The following DIS3 variants were observed in gnomAD, a reference collection of about 807,000 sequenced individuals.
DIS3 encodes the protein DIS3 exosome endoribonuclease and 3'-5' exoribonuclease, also known as exosome complex exonuclease RRP44.
A neutral mutation model predicts 113.0 loss-of-function variants in DIS3; 103 were observed. That is an observed-to-expected ratio of 0.91 (90% CI 0.78 to 1.07). The LOEUF (loss-of-function observed/expected upper bound fraction) is 1.07, where lower values mean the gene tolerates loss of function less well. Ranked by LOEUF, DIS3 falls within the 50% of genes least tolerant of loss-of-function variation. The pLI is 0.00. For synonymous variants in DIS3, 402 were observed against 394.3 expected (o/e 1.02, Z -0.23); for missense variants, 1,121 against 1,167.1 (o/e 0.96, Z 0.58).
In DIS3 at chr13:72,773,711, A is replaced by G. The variant is rs774447615; in HGVS notation, c.1212T>C (p.Gly404=). The G allele has an allele frequency of 1.9e-6, 3 of 1,611,838 alleles. No individual in the cohort carries two copies. Among genetic ancestry groups the G allele is most frequent in the Non-Finnish European group, 1.7e-6 (2 of 1,179,494 alleles). Residue 404 remains glycine (G), a synonymous_variant, in exon 8 of 21, where the codon GGT becomes GGC. Coordinates refer to ENST00000377767, the MANE Select transcript of DIS3 (RefSeq NM_014953.5). The part of the protein sequence containing the change: ...EGRRIIVAID[G]WPRNSRYPNG... ...TTGGATATCTGGAATTTCTGGGCCA[A>G]CCATCAATAGCAACAATAATTCTCC...
At position 72,775,392 on chromosome 13, in the gene DIS3, A is replaced by ATAATTGTT. The variant is rs1462542578; in HGVS notation, c.823-18_823-17insAACAATTA. 5.1e-6 allele frequency: 8 copies of ATAATTGTT among 1,574,124 alleles called. No individual in the cohort carries two copies. Among genetic ancestry groups the ATAATTGTT allele is most frequent in the Non-Finnish European group, 6.9e-6 (8 of 1,163,048 alleles). On this transcript the variant is annotated splice_polypyrimidine_tract_variant and intron_variant, in intron 5 of 20. Transcript: ENST00000377767. Reference sequence around the variant, plus strand: ...TAAGATTATCTGTTTAAAACAACAGAGGGCACGTGCCCAAATTATTTTTAA... The same window carrying ATAATTGTT: ...TAAGATTATCTGTTTAAAACAACAGATAATTGTTGGGCACGTGCCCAAATTATTTTTAA...
rs2033323846 is a variant in DIS3 at position 72,753,123 on chromosome 13, C to CTTA, written c.*6671_*6672insTAA. 6.6e-6 allele frequency: 1 copy of CTTA among 152,224 alleles called. No homozygotes were observed. 9.4% of individuals were successfully genotyped at this position (152,224 alleles called of 1,614,324 possible). A position where few individuals can be genotyped will look rare whatever the true frequency, so the allele number is the denominator to read the frequency against. ...ATAGTGCCTGGCCTTTTTAGACACT[C>CTTA]AATAAATGTTTCCAAGCTGGAAGTT... On this transcript the variant is annotated 3_prime_UTR_variant, in exon 21 of 21. Transcript: ENST00000377767.
rs534140416 is a variant in DIS3 at position 72,778,097 on chromosome 13, A to C, written c.580+90T>G. Reference sequence around the variant, plus strand: ...TTATATAGGACTACGAAAATACTAAATAGTAAAGTGAACATCTGACTATAG... The same window carrying C: ...TTATATAGGACTACGAAAATACTAACTAGTAAAGTGAACATCTGACTATAG... On this transcript the variant is annotated intron_variant, in intron 3 of 20. Coordinates refer to ENST00000377767, the MANE Select transcript of DIS3 (RefSeq NM_014953.5). The C allele has an allele frequency of 8.7e-5, 100 of 1,149,228 alleles. No individual in the cohort carries two copies. The East Asian group carries it at 2.5e-3, about 28-fold the overall frequency. 71.2% of individuals were successfully genotyped at this position (1,149,228 alleles called of 1,614,324 possible).
Position 72,758,757 on chromosome 13 carries a change from C to T in DIS3, c.*1038G>A. On this transcript the variant is annotated 3_prime_UTR_variant, in exon 21 of 21. Transcript: ENST00000377767. Reference sequence around the variant, plus strand: ...GCTGATTTACTTGGCAGGCTTTTCTCACTATACTGCAAGCTCCTTGAAGGC... The same window carrying T: ...GCTGATTTACTTGGCAGGCTTTTCTTACTATACTGCAAGCTCCTTGAAGGC... 4.9e-6 allele frequency: 1 copy of T among 204,958 alleles called. No individual in the cohort carries two copies. Among genetic ancestry groups the T allele is most frequent in the Non-Finnish European group, 1.0e-5 (1 of 100,058 alleles). The allele number at this position is 204,958 out of a possible 1,614,324, so 12.7% of individuals were successfully genotyped here.
intron 20 of DIS3, 133 bp downstream of exon 20, chr13:72,760,396 T>C: frequency 9.5e-7 from 1 of 1,055,008 alleles, no homozygotes; most frequent in Non-Finnish European, 1.4e-6. Flanking sequence ...CAGGATTTGC[T>C]ATGCAAATAT....
At chr13:72,772,425 G>T in intron 9 of DIS3, 150 bp from the exon 10 acceptor site, 1 of 704,754 alleles carries the variant, frequency 1.4e-6, no homozygotes, top group Non-Finnish European at 2.3e-6. Context: ...CTGCACTGGA[G>T]CAGAGAGACA....
At chr13:72,771,755 G>T (rs1359342233) in intron 11 of DIS3, 40 bp downstream of exon 11, 1 of 1,570,134 alleles carries the variant, frequency 6.4e-7, no homozygotes, top group African/African-American at 1.4e-5. Flanking sequence ...GAATCCTTAA[G>T]TGTCCATGAC....
chr13:72,775,144 T>C (rs1490976840), intron 6 of DIS3, 67 bp downstream of exon 6: 1 of 1,449,758 alleles, frequency 6.9e-7, no homozygotes, highest in Non-Finnish European at 9.2e-7. Flanking sequence ...GAAACTTGTT[T>C]TCCAAAGCTG....
intron 20 of DIS3, 51 bp downstream of exon 20, chr13:72,760,478 A>G (rs756618632): frequency 9.3e-6 from 15 of 1,610,014 alleles, no homozygotes; most frequent in African/African-American, 8.0e-5. Flanking sequence ...CTTTGACAAA[A>G]TATGTACTGT....
Position 72,766,030 on chromosome 13 carries a change from G to A in DIS3, c.1912C>T (p.Arg638Ter), listed in dbSNP as rs770832001. 4 of 1,611,264 alleles carry A rather than the reference G, an allele frequency of 2.5e-6. No homozygotes were observed. Among genetic ancestry groups the A allele is most frequent in the East Asian group, 4.5e-5 (2 of 44,806 alleles). Residue 638 changes from arginine (R) to a stop codon, truncating the protein, a stop_gained, in exon 15 of 21, where the codon CGA (arginine) becomes TGA (stop). Coordinates refer to ENST00000377767, the MANE Select transcript of DIS3 (RefSeq NM_014953.5). LOFTEE classifies it high-confidence loss of function. ...TGAGTTTCACTGTCCATGTGGAATC[G>A]AACTTCAGGAGAGGATAGAGTCAAA... Reference protein sequence around the residue: ...GALTLSSPEVRFHMDSETHDP... With the variant: ...GALTLSSPEV
At position 72,778,345 on chromosome 13, in the gene DIS3, G is replaced by GCAT; in HGVS notation, c.419_421dup (p.Asn140_Ala141insAsp). 3 of 1,581,162 alleles carry GCAT rather than the reference G, an allele frequency of 1.9e-6. No individual in the cohort carries two copies. Among genetic ancestry groups the GCAT allele is most frequent in the Non-Finnish European group, 2.6e-6 (3 of 1,155,462 alleles). On this transcript the variant is annotated inframe_insertion, in exon 3 of 21. Coordinates refer to ENST00000377767, the MANE Select transcript of DIS3 (RefSeq NM_014953.5). The stretch of plus-strand genomic sequence containing the variant: ...AATCGCTCTATCATTCCTGTCATTA[G>GCAT]CATTTTCTCCCTGTTCTTGTTCTAC...
At position 72,770,963 on chromosome 13, in the gene DIS3, T is replaced by C. The variant is rs199942609; in HGVS notation, c.1696A>G (p.Met566Val). ...TTTAAGATTTCAGCATTGTGATTCA[T>C]TTCCCAAATACATGAAAATGCCAGC... The part of the protein sequence containing the change: ...DRLAFSCIWE[M>V]NHNAEILKTK... The change falls in exon 13 of 21, where the codon ATG becomes GTG. Residue 566 changes from methionine to valine, a missense_variant. Physicochemically the swap from Met to Val is conservative, Grantham distance 21 (BLOSUM62 1). Coordinates refer to ENST00000377767, the MANE Select transcript of DIS3 (RefSeq NM_014953.5). 26 of 1,600,650 alleles carry C rather than the reference T, an allele frequency of 1.6e-5. No homozygotes were observed. The East Asian group carries it at 5.4e-4, about 33-fold the overall frequency.
In DIS3 at chr13:72,781,620, A is replaced by G. The variant is rs756932699; in HGVS notation, c.213T>C (p.Asn71=). 2.0e-5 allele frequency: 30 copies of G among 1,534,238 alleles called. No individual in the cohort carries two copies. Among genetic ancestry groups the G allele is most frequent in the Non-Finnish European group, 2.4e-5 (27 of 1,138,448 alleles). ...PQPHYLLPDT[N]VLLHQIDVLE... The stretch of plus-strand genomic sequence containing the variant: ...GCCCACGCACCTGGTGCAGTAACAC[A>G]TTAGTGTCGGGCAGCAAGTAGTGCG... The change falls in exon 1 of 21, where the codon AAT becomes AAC. Residue 71 remains asparagine (N), a synonymous_variant. Transcript: ENST00000377767.
In DIS3 at chr13:72,761,499, A is replaced by G. The variant is rs369992170; in HGVS notation, c.2534T>C (p.Ile845Thr). 6.3e-7 allele frequency: 1 copy of G among 1,587,276 alleles called. No individual in the cohort carries two copies. Among genetic ancestry groups the G allele is most frequent in the Non-Finnish European group, 8.5e-7 (1 of 1,171,726 alleles). ...HTQLFFKSKG[I>T]VSEEAYILFV... Reference sequence around the variant, plus strand: ...TAAAATATAGGCTTCTTCACTTACTATTCCTTTGCTTTTGAAGAATAACTG... The same window carrying G: ...TAAAATATAGGCTTCTTCACTTACTGTTCCTTTGCTTTTGAAGAATAACTG... Residue 845 changes from isoleucine to threonine, a missense_variant, in exon 19 of 21, where the codon ATA becomes ACA. This residue lies in a region of DIS3 where 861 missense variants were observed against 915.5 expected (regional missense o/e 0.94). Coordinates refer to ENST00000377767, the MANE Select transcript of DIS3 (RefSeq NM_014953.5).
intron 15 of DIS3, among the ~76,000 whole-genome samples, chr13:72,765,554 C>A (rs780811975): frequency 6.6e-5 from 10 of 152,160 alleles, no homozygotes; most frequent in Non-Finnish European, 1.2e-4. Flanking sequence ...CACAATAGGA[C>A]TGGCGCTCCA....
chr13:72,780,512 TGGTATTCCAG>T (rs1157168553), intron 2 of DIS3, among the ~76,000 whole-genome samples: 3 of 152,110 alleles, frequency 2.0e-5, no homozygotes, highest in Non-Finnish European at 4.4e-5. Context: ...TCACATAATA[TGGTATTCCAG>T]GAACTTAAGC....
rs757537472 is a variant in DIS3 at position 72,780,862 on chromosome 13, T to C, written c.370A>G (p.Thr124Ala). Residue 124 changes from threonine (T) to alanine (A), a missense_variant, in exon 2 of 21, where the codon ACT (threonine) becomes GCT (alanine). Physicochemically the swap from Thr to Ala is moderately conservative, Grantham distance 58. Around this residue, in one of 3 missense-constraint regions of DIS3, gnomAD observed 254 missense variants for 232.2 expected, o/e 1.09. Transcript: ENST00000377767. ...NNQEKHFYTFTNEHHRETYVE... is the reference protein window; with the variant it reads ...NNQEKHFYTFANEHHRETYVE... ...TCCTCCTACCTATGGTGCTCATTAG[T>C]GAAAGTATAGAAATGCTTCTCTTGG... 4 of 1,608,194 alleles carry C rather than the reference T, an allele frequency of 2.5e-6. No homozygotes were observed. The highest frequency in any genetic ancestry group is 2.2e-5 in the East Asian group (1 of 44,820).
chr13:72,776,199 A>G, intron 4 of DIS3, 107 bp from the exon 5 acceptor site: 2 of 1,078,244 alleles, frequency 1.9e-6, no homozygotes, highest in Non-Finnish European at 2.6e-6. Flanking sequence ...TATGATATAC[A>G]CAACTCTGAA....
chr13:72,756,522 C>T lies in DIS3; in HGVS notation c.*3273G>A, dbSNP rs528340549. 1 of 152,132 alleles carries T rather than the reference C, an allele frequency of 6.6e-6. No individual in the cohort carries two copies. Among genetic ancestry groups the T allele is most frequent in the Non-Finnish European group, 1.5e-5 (1 of 68,040 alleles). The allele number at this position is 152,132 out of a possible 1,614,324, so 9.4% of individuals were successfully genotyped here. On this transcript the variant is annotated 3_prime_UTR_variant, in exon 21 of 21. Transcript: ENST00000377767. ...TAGTGACTATAACCTGTATTCAAAT[C>T]CCTACTCTGTCACTACTTGATCTGG...
Sources: gnomAD v4.1 joint callset for allele counts (sites outside exome capture counted in the v4.1 genomes callset) on GRCh38, gnomAD v4.1.1 for gene constraint, gnomAD v4.1.1 regional missense constraint, MANE v1.5 for transcripts, NCBI Gene and HGNC (gene_info 2026-07-23, HGNC 2026-07-21) for gene names.